The following COLEC12 variants were observed in gnomAD, a reference collection of about 807,000 sequenced individuals.
COLEC12 encodes the protein collectin-12.
In COLEC12, 33 loss-of-function variants were observed where a neutral mutation model predicts 71.1. The observed-to-expected ratio is 0.46, with a 90% CI of 0.35 to 0.62. The LOEUF (loss-of-function observed/expected upper bound fraction) is 0.62, where lower values mean the gene tolerates loss of function less well. Among genes scored for constraint, COLEC12 ranks in the 20% least tolerant of loss-of-function variants. The pLI is 0.00. For synonymous variants in COLEC12, 350 were observed against 353.0 expected (o/e 0.99, Z 0.10); for missense variants, 765 against 916.1 (o/e 0.84, Z 2.13).
chr18:384,082 C>T (rs1266513202), intron 2 of COLEC12, among the ~76,000 whole-genome samples: 1 of 152,164 alleles, frequency 6.6e-6, no homozygotes, highest in Non-Finnish European at 1.5e-5. Context: ...AGCTACAATT[C>T]AAGATGAGAT....
intron 2 of COLEC12, among the ~76,000 whole-genome samples, chr18:385,427 C>T (rs184443287): frequency 3.3e-5 from 5 of 149,882 alleles, no homozygotes; most frequent in Non-Finnish European, 5.9e-5. Context: ...CGGGCTCAAG[C>T]GATTCTCCTG....
chr18:378,351 G>A lies in COLEC12; in HGVS notation c.59-20829C>T, dbSNP rs368350200. The stretch of plus-strand genomic sequence containing the variant: ...AACACAAAAACCGTCATAAATAAAA[G>A]TAGACAGAAGGATGGCTATTTTAAG... On this transcript the variant is annotated intron_variant, in intron 2 of 9. Coordinates refer to ENST00000400256, the MANE Select transcript of COLEC12 (RefSeq NM_130386.3). Among the ~76,000 whole-genome samples the A allele has an allele frequency of 4.6e-5, 7 of 152,194 alleles. No individual in the cohort carries two copies. The East Asian group carries it at 1.3e-3, about 29-fold the overall frequency.
At chr18:387,419 T>C (rs73942901) in intron 2 of COLEC12, among the ~76,000 whole-genome samples, 2,122 of 152,036 alleles carry the variant, frequency 0.014, 53 homozygotes, top group African/African-American at 0.048. Flanking sequence ...TTCTTTCTCA[T>C]CTCCCCATCA....
rs142151480 is a variant in COLEC12 at position 378,949 on chromosome 18, C to T, written c.59-21427G>A. 2.4e-3 allele frequency among the ~76,000 whole-genome samples: 372 copies of T among 152,262 alleles called. 2 individuals carry two copies. Among genetic ancestry groups the T allele is most frequent in the African/African-American group, 8.5e-3 (352 of 41,538 alleles). ...CCTCAAGAACTTCACACCCAAACTG[C>T]CAGCCATAATCCTGAATGGCCTTGG... On this transcript the variant is annotated intron_variant, in intron 2 of 9. Coordinates refer to ENST00000400256, the MANE Select transcript of COLEC12 (RefSeq NM_130386.3).
chr18:450,188 ACACT>A (rs1916732518), intron 2 of COLEC12, among the ~76,000 whole-genome samples: 1 of 152,100 alleles, frequency 6.6e-6, no homozygotes, highest in African/African-American at 2.4e-5. Flanking sequence ...CCATAACACC[ACACT>A]CTTTTGGTTC....
chr18:490,232 GC>G (rs1220925527), intron 1 of COLEC12, among the ~76,000 whole-genome samples: 2 of 152,366 alleles, frequency 1.3e-5, no homozygotes, highest in Non-Finnish European at 2.9e-5. Flanking sequence ...CGTGAGACCA[GC>G]CAGGGAGCCC....
chr18:452,919 C>G (rs2042115093), intron 2 of COLEC12, among the ~76,000 whole-genome samples: 1 of 152,212 alleles, frequency 6.6e-6, no homozygotes, highest in Admixed American at 6.5e-5. Context: ...TAGCACCACT[C>G]AGGGGTCCTC....
At chr18:363,542 T>C (rs895890378) in intron 2 of COLEC12, among the ~76,000 whole-genome samples, 1 of 152,220 alleles carries the variant, frequency 6.6e-6, no homozygotes, top group Non-Finnish European at 1.5e-5. Context: ...TTTACAGTTA[T>C]TAATCTACTG....
chr18:480,873 T>G lies in COLEC12; in HGVS notation c.8-116A>C, dbSNP rs144282323. The G allele has an allele frequency of 1.0e-3, 938 of 920,200 alleles. No individual in the cohort carries two copies. The African/African-American group carries it at 0.014, about 14-fold the overall frequency. The allele number at this position is 920,200 out of a possible 1,614,324, so 57.0% of individuals were successfully genotyped here. A position where few individuals can be genotyped will look rare whatever the true frequency, so the allele number is the denominator to read the frequency against. On this transcript the variant is annotated intron_variant, in intron 1 of 9. Transcript: ENST00000400256. The surrounding 1 kb of genome is among the most constrained non-coding windows in gnomAD (Gnocchi z 4.1). The stretch of plus-strand genomic sequence containing the variant: ...CTTGTCACAGCAGCTTTCCTTCTGC[T>G]CGTGGATCGCACCAGGCTTTCTGGA...
intron 8 of COLEC12, among the ~76,000 whole-genome samples, chr18:323,940 ATC>A (rs1292182275): frequency 6.6e-6 from 1 of 152,220 alleles, no homozygotes; most frequent in African/African-American, 2.4e-5. Flanking sequence ...AAAGGAGATA[ATC>A]TTTATCGCCT....
intron 2 of COLEC12, among the ~76,000 whole-genome samples, chr18:435,478 C>T (rs1217883469): frequency 6.6e-6 from 1 of 152,176 alleles, no homozygotes; most frequent in African/African-American, 2.4e-5. Context: ...GAAACCGCCC[C>T]CATGATTCAA....
intron 2 of COLEC12, among the ~76,000 whole-genome samples, chr18:444,606 TGG>T (rs1323478321): frequency 1.3e-5 from 2 of 152,112 alleles, no homozygotes; most frequent in Non-Finnish European, 2.9e-5. Context: ...GCTTTGTTTA[TGG>T]AGAAAGAGTT....
At chr18:411,661 C>G (rs1370486185) in intron 2 of COLEC12, among the ~76,000 whole-genome samples, 3 of 152,190 alleles carry the variant, frequency 2.0e-5, no homozygotes, top group Non-Finnish European at 4.4e-5. Flanking sequence ...TTCCAGCACT[C>G]TGGGAAACCA....
chr18:482,442 C>T (rs887784010), intron 1 of COLEC12, among the ~76,000 whole-genome samples: 16 of 151,640 alleles, frequency 1.1e-4, no homozygotes, highest in African/African-American at 3.9e-4. Context: ...GTAAGAGGTG[C>T]CAAAGCCAGG....
intron 2 of COLEC12, among the ~76,000 whole-genome samples, chr18:431,470 A>G (rs1196002160): frequency 1.3e-5 from 2 of 152,250 alleles, no homozygotes; most frequent in Non-Finnish European, 2.9e-5. Flanking sequence ...CTGGTTATCA[A>G]TAAAACCAGA....
intron 2 of COLEC12, among the ~76,000 whole-genome samples, chr18:428,404 GTGAGA>G (rs1916238982): frequency 6.6e-6 from 1 of 152,192 alleles, no homozygotes; most frequent in Non-Finnish European, 1.5e-5. Flanking sequence ...TACATTTGGT[GTGAGA>G]TGAGAACAGA....
intron 2 of COLEC12, among the ~76,000 whole-genome samples, chr18:453,451 C>T (rs2621204): frequency 6.6e-6 from 1 of 151,964 alleles, no homozygotes; most frequent in African/African-American, 2.4e-5. Context: ...TGCAGAGATA[C>T]AGAGAGAGAC....
Position 334,895 on chromosome 18 carries a change from C to T in COLEC12, c.1663G>A (p.Glu555Lys), listed in dbSNP as rs944048515. ...CCCCGAGGTCCAGGCACCCCAGGCT[C>T]CCCAACGGTGCCCTGAAGTCCCTGG... ...GFQGLQGTVG[E>K]PGVPGPRGLP... Residue 555 changes from glutamate (E) to lysine (K), a missense_variant, in exon 6 of 10, where the codon GAG (glutamate) becomes AAG (lysine). By Grantham distance (56) the Glu-to-Lys change is moderately conservative (BLOSUM62 1). Coordinates refer to ENST00000400256, the MANE Select transcript of COLEC12 (RefSeq NM_130386.3). The T allele has an allele frequency of 1.3e-6, 2 of 1,535,680 alleles. No individual in the cohort carries two copies. Among genetic ancestry groups the T allele is most frequent in the East Asian group, 2.5e-5 (1 of 39,932 alleles).
intron 2 of COLEC12, among the ~76,000 whole-genome samples, chr18:437,397 A>C (rs2621183): frequency 0.89 from 135,263 of 152,158 alleles, 60,554 homozygotes; most frequent in East Asian, 1. Flanking sequence ...AAATTCTTTC[A>C]CCTGCCCACT....
Sources: allele counts gnomAD v4.1 joint callset (sites outside exome capture counted in the v4.1 genomes callset), GRCh38; gene constraint gnomAD v4.1.1; non-coding constraint Gnocchi (gnomAD v3.1); transcripts MANE v1.5; gene names NCBI Gene and HGNC (gene_info 2026-07-23, HGNC 2026-07-21).